GSE1: variants seen among roughly 807,000 people sequenced by gnomAD.
The protein encoded by GSE1 is genetic suppressor element 1.
A neutral mutation model predicts 112.6 loss-of-function variants in GSE1; 32 were observed. The ratio of observed to expected loss-of-function variants is 0.28; its 90% CI spans 0.21 to 0.38. The LOEUF is 0.38. Ranked by LOEUF, GSE1 falls within the 10% of genes least tolerant of loss-of-function variation. GSE1 has a pLI of 1.00. For synonymous variants in GSE1, 1,115 were observed against 735.6 expected (o/e 1.52, Z -8.35); for missense variants, 2,348 against 1,699.2 (o/e 1.38, Z -6.71).
intron 2 of GSE1, among the ~76,000 whole-genome samples, chr16:85,392,820 C>T (rs535756245): frequency 1.3e-5 from 2 of 152,216 alleles, no homozygotes; most frequent in Non-Finnish European, 2.9e-5. Context: ...AAGATGGAGC[C>T]TGAGGCTGGA....
rs1343044822 is a variant in GSE1 at position 85,516,259 on chromosome 16, C to T, written c.2465-117655C>T. ...GGTGCCAGCACCTGTGATCTCAGGACCTTGGGCAGGCTGCTGCTCTACCTG... is the reference window on the plus strand; with the variant it reads ...GGTGCCAGCACCTGTGATCTCAGGATCTTGGGCAGGCTGCTGCTCTACCTG... On this transcript the variant is annotated intron_variant, in intron 2 of 2. Transcript: ENST00000637419. 2.0e-5 allele frequency among the ~76,000 whole-genome samples: 3 copies of T among 152,002 alleles called. No homozygotes were observed. In the South Asian group the frequency reaches 6.2e-4, roughly 32 times the overall value.
intron 1 of GSE1, among the ~76,000 whole-genome samples, chr16:85,333,994 C>G (rs1042122205): frequency 3.3e-5 from 5 of 152,288 alleles, no homozygotes; most frequent in African/African-American, 7.2e-5. Flanking sequence ...AAAATGTCCC[C>G]GTCAGCCTCG....
intron 2 of GSE1, among the ~76,000 whole-genome samples, chr16:85,441,328 G>C (rs566425058): frequency 2.0e-5 from 3 of 152,318 alleles, no homozygotes; most frequent in African/African-American, 7.2e-5. Context: ...TCACCTCCTA[G>C]TTGAGAATCA....
Position 85,634,225 on chromosome 16 carries a change from G to T in GSE1, c.226+93G>T, listed in dbSNP as rs952680340. The T allele has an allele frequency of 4.5e-6, 4 of 886,226 alleles. No homozygotes were observed. In the African/African-American group the frequency reaches 7.2e-5, roughly 16 times the overall value. 54.9% of individuals were successfully genotyped at this position (886,226 alleles called of 1,614,324 possible). On this transcript the variant is annotated intron_variant, in intron 2 of 15. Transcript: ENST00000253458. Reference sequence around the variant, plus strand: ...CCTGCGGCGTGCACGCTCACAGCAGGTCTCGTCTTTCCCACGCCGTGTGCT... The same window carrying T: ...CCTGCGGCGTGCACGCTCACAGCAGTTCTCGTCTTTCCCACGCCGTGTGCT...
At chr16:85,602,814 TCA>T (rs2047524577) in intron 1 of GSE1, among the ~76,000 whole-genome samples, 1 of 152,226 alleles carries the variant, frequency 6.6e-6, no homozygotes, top group African/African-American at 2.4e-5. Context: ...GGAAGTGTAC[TCA>T]CTGCTGCCAG....
chr16:85,633,268 C>A (rs1288203414), intron 1 of GSE1, among the ~76,000 whole-genome samples: 2 of 152,238 alleles, frequency 1.3e-5, no homozygotes, highest in African/African-American at 4.8e-5. Flanking sequence ...TCTCTGGGAC[C>A]CCTCTCAGAC....
chr16:85,523,663 T>C (rs990943784), intron 2 of GSE1, among the ~76,000 whole-genome samples: 2 of 152,210 alleles, frequency 1.3e-5, no homozygotes, highest in Non-Finnish European at 2.9e-5. Flanking sequence ...TCCTCGTGCC[T>C]GCCTCCACCC....
upstream of GSE1, among the ~76,000 whole-genome samples, chr16:85,611,075 G>C (rs74031888): frequency 0.065 from 9,933 of 152,290 alleles, 1,040 homozygotes; most frequent in African/African-American, 0.22. Context: ...CACCGTGTCC[G>C]GGTGAGAGAC....
chr16:85,336,215 C>T (rs1383925938), intron 1 of GSE1, among the ~76,000 whole-genome samples: 1 of 152,184 alleles, frequency 6.6e-6, no homozygotes, highest in African/African-American at 2.4e-5. Context: ...TCCATTAGCC[C>T]TCCTGACATG....
chr16:85,316,551 C>T (rs2045989872), intron 1 of GSE1, among the ~76,000 whole-genome samples: 1 of 152,182 alleles, frequency 6.6e-6, no homozygotes, highest in Non-Finnish European at 1.5e-5. Flanking sequence ...GGGGAGGAGT[C>T]ACTGAGGTCC....
intron 2 of GSE1, among the ~76,000 whole-genome samples, chr16:85,463,393 C>T (rs1033796259): frequency 3.3e-5 from 5 of 152,214 alleles, no homozygotes; most frequent in Admixed American, 3.3e-4. Context: ...CTCTAGGCAG[C>T]CGGGGGAGGC....
chr16:85,426,850 G>A (rs1160963961), intron 2 of GSE1, among the ~76,000 whole-genome samples: 3 of 152,180 alleles, frequency 2.0e-5, no homozygotes, highest in Non-Finnish European at 4.4e-5. Context: ...GGTGGCTCAT[G>A]CATCCTCATC....
At chr16:85,471,130 C>A (rs1226710923) in intron 2 of GSE1, among the ~76,000 whole-genome samples, 1 of 152,048 alleles carries the variant, frequency 6.6e-6, no homozygotes, top group Non-Finnish European at 1.5e-5. Flanking sequence ...GGTCCTCCCC[C>A]ATTCGCCCTG....
At chr16:85,285,797 C>T (rs1211726816) in intron 1 of GSE1, 1 of 152,266 alleles carries the variant, frequency 6.6e-6, no homozygotes, top group African/African-American at 2.4e-5. Flanking sequence ...TGATCCCTGT[C>T]CACAGTAAAG....
At chr16:85,667,466 G>A (rs975400283) in intron 13 of GSE1, among the ~76,000 whole-genome samples, 1 of 152,234 alleles carries the variant, frequency 6.6e-6, no homozygotes, top group Admixed American at 6.5e-5. Flanking sequence ...GATTCCTGGG[G>A]GAGGGCAGAG....
chr16:85,342,708 C>T (rs1195371098), intron 1 of GSE1, among the ~76,000 whole-genome samples: 1 of 152,160 alleles, frequency 6.6e-6, no homozygotes, highest in Admixed American at 6.5e-5. Flanking sequence ...CACATCTAAA[C>T]AGGGAGCACA....
At chr16:85,191,819 T>C (rs1008246724) in intron 1 of GSE1, among the ~76,000 whole-genome samples, 1 of 152,172 alleles carries the variant, frequency 6.6e-6, no homozygotes, top group Admixed American at 6.5e-5. Context: ...CTTGCAAGGC[T>C]TCTGGCTAGA....
intron 1 of GSE1, among the ~76,000 whole-genome samples, chr16:85,616,859 C>T (rs1055299511): frequency 4.6e-5 from 7 of 152,174 alleles, no homozygotes; most frequent in African/African-American, 1.7e-4. Flanking sequence ...TGAGCTCCTC[C>T]TCTGAATCCA....
intron 1 of GSE1, among the ~76,000 whole-genome samples, chr16:85,331,351 G>GTATATATATGTATATATA (rs1567692439): frequency 4.2e-5 from 5 of 118,558 alleles, no homozygotes; most frequent in African/African-American, 1.5e-4. Flanking sequence ...GTGTGTGTGT[G>GTATATATATGTATATATA]TGTGTGTGTG....
Sources: allele counts gnomAD v4.1 joint callset (sites outside exome capture counted in the v4.1 genomes callset), GRCh38; gene constraint gnomAD v4.1.1; transcripts MANE v1.5; gene names NCBI Gene and HGNC (gene_info 2026-07-23, HGNC 2026-07-21).